The following WDR37 variants were observed in gnomAD, a reference collection of about 807,000 sequenced individuals.
The protein encoded by WDR37 is WD repeat-containing protein 37.
A neutral mutation model predicts 62.9 loss-of-function variants in WDR37; 19 were observed. The observed-to-expected ratio is 0.30, with a 90% CI of 0.21 to 0.44. The LOEUF is 0.44. Ranked by LOEUF, WDR37 falls within the 20% of genes least tolerant of loss-of-function variation. WDR37 has a pLI of 1.00. For missense variants in WDR37, 474 were observed against 657.6 expected (o/e 0.72, Z 3.05); for synonymous variants, 250 against 260.9 (o/e 0.96, Z 0.40).
intron 11 of WDR37, among the ~76,000 whole-genome samples, chr10:1,111,429 T>G (rs1306926444): frequency 6.6e-6 from 1 of 152,234 alleles, no homozygotes; most frequent in African/African-American, 2.4e-5. Context: ...TACTTTTACT[T>G]GCATTCTGTG....
In WDR37 at chr10:1,121,853, C is replaced by T. The variant is rs970055528; in HGVS notation, c.1104-2365C>T. On this transcript the variant is annotated intron_variant, in intron 11 of 13. Transcript: ENST00000263150. This position sits in a 1 kb window ranked among gnomAD's most constrained non-coding sequence, Gnocchi z 4.5. ...AGAATGCAGACGTGAAAACGGTCGC[C>T]GCCGCATCATCCTGACTGTGTTCCG... 1.3e-4 allele frequency among the ~76,000 whole-genome samples: 19 copies of T among 151,788 alleles called. No individual in the cohort carries two copies. Among genetic ancestry groups the T allele is most frequent in the African/African-American group, 3.4e-4 (14 of 41,306 alleles).
chr10:1,069,369 G>T (rs1232212614), intron 1 of WDR37, among the ~76,000 whole-genome samples: 17 of 37,636 alleles, frequency 4.5e-4, no homozygotes, highest in Non-Finnish European at 6.9e-4. Flanking sequence ...AAATTGGAAA[G>T]AATATATATA....
At chr10:1,093,342 A>AACTC (rs1834464264) in intron 7 of WDR37, 110 bp from the exon 8 acceptor site, 6 of 810,680 alleles carry the variant, frequency 7.4e-6, no homozygotes, top group Admixed American at 2.6e-5. Context: ...TCAAATATTG[A>AACTC]ACTCATAGTT....
chr10:1,111,321 A>G (rs1835210865), intron 11 of WDR37, among the ~76,000 whole-genome samples: 1 of 152,224 alleles, frequency 6.6e-6, no homozygotes, highest in Non-Finnish European at 1.5e-5. Flanking sequence ...TAAGGCAAGA[A>G]GTAGCTCTAA....
intron 9 of WDR37, among the ~76,000 whole-genome samples, chr10:1,102,078 T>TC (rs1443160851): frequency 7.3e-6 from 1 of 137,694 alleles, no homozygotes; most frequent in African/African-American, 2.8e-5. Flanking sequence ...GTGACATGTT[T>TC]CCGTGCTGCC....
At chr10:1,085,627 T>C (rs1415709045) in intron 6 of WDR37, among the ~76,000 whole-genome samples, 1 of 152,244 alleles carries the variant, frequency 6.6e-6, no homozygotes, top group Non-Finnish European at 1.5e-5. Context: ...TGGACTCTGC[T>C]TTTTAGAGGC....
At chr10:1,104,279 G>T (rs909024668) in intron 10 of WDR37, among the ~76,000 whole-genome samples, 2 of 152,214 alleles carry the variant, frequency 1.3e-5, no homozygotes, top group Admixed American at 1.3e-4. Flanking sequence ...CAAGCCTGCT[G>T]GTCATTGGAG....
At chr10:1,081,828 A>G (rs1834039409) in intron 5 of WDR37, among the ~76,000 whole-genome samples, 1 of 152,184 alleles carries the variant, frequency 6.6e-6, no homozygotes, top group Non-Finnish European at 1.5e-5. Flanking sequence ...TATATATACA[A>G]TGTATGGTCT....
At chr10:1,127,898 T>C (rs893322113) in intron 13 of WDR37, among the ~76,000 whole-genome samples, 3 of 152,330 alleles carry the variant, frequency 2.0e-5, no homozygotes, top group East Asian at 3.9e-4. Context: ...ATGGGAGCTC[T>C]GCCGGAGGTG....
Position 1,072,845 on chromosome 10 carries a change from T to A in WDR37, c.138+552T>A, listed in dbSNP as rs1272608993. On this transcript the variant is annotated intron_variant, in intron 2 of 13. Transcript: ENST00000263150. ...AACAAATCAAAGTGGGTATGAGAGT[T>A]GGGATTAGTTTTATTCTTTGTACAG... 2.0e-5 allele frequency among the ~76,000 whole-genome samples: 3 copies of A among 152,266 alleles called. No homozygotes were observed. The East Asian group carries it at 5.8e-4, about 29-fold the overall frequency.
intron 7 of WDR37, among the ~76,000 whole-genome samples, chr10:1,087,588 C>T (rs1834243668): frequency 6.6e-6 from 1 of 152,146 alleles, no homozygotes; most frequent in South Asian, 2.1e-4. Flanking sequence ...TGTCAATGAG[C>T]CAGTTGTATT....
intron 10 of WDR37, among the ~76,000 whole-genome samples, chr10:1,104,670 C>T (rs558346961): frequency 3.3e-5 from 5 of 151,966 alleles, no homozygotes; most frequent in East Asian, 1.9e-4. Context: ...TAGGCATGTA[C>T]GGGGTGGGGG....
At chr10:1,117,972 G>A (rs556392704) in intron 11 of WDR37, among the ~76,000 whole-genome samples, 32 of 137,718 alleles carry the variant, frequency 2.3e-4, no homozygotes, top group South Asian at 1.2e-3. Flanking sequence ...CATCTGAGCC[G>A]CGTGCACTCA....
chr10:1,093,958 A>G (rs573345667), intron 8 of WDR37, among the ~76,000 whole-genome samples: 10 of 152,318 alleles, frequency 6.6e-5, no homozygotes, highest in Admixed American at 3.3e-4. Flanking sequence ...TGGATTTGCT[A>G]TAATTTCAGA....
At position 1,099,775 on chromosome 10, in the gene WDR37, AG is replaced by A. The variant is rs1319146513; in HGVS notation, c.726+3532del. Among the ~76,000 whole-genome samples, 7 of 150,268 alleles carry A rather than the reference AG, an allele frequency of 4.7e-5. No homozygotes were observed. The East Asian group carries it at 1.4e-3, about 29-fold the overall frequency. On this transcript the variant is annotated intron_variant, in intron 9 of 13. Transcript: ENST00000263150. ...CTGATGGTGTGGCGGAGACGTGAGG[AG>A]GGTGAGCATTGATGCTTAGGAAATT... is the stretch of plus-strand genomic sequence containing the variant.
chr10:1,111,933 G>A (rs1247236476), intron 11 of WDR37, among the ~76,000 whole-genome samples: 11 of 150,434 alleles, frequency 7.3e-5, no homozygotes, highest in Admixed American at 6.6e-4. Context: ...ACGGAGTCTC[G>A]CTCTGTTGCC....
At chr10:1,091,853 A>G (rs975643545) in intron 7 of WDR37, among the ~76,000 whole-genome samples, 8 of 152,124 alleles carry the variant, frequency 5.3e-5, no homozygotes, top group African/African-American at 1.9e-4. Context: ...AGCAAGGGGG[A>G]AGGTGAAGTG....
chr10:1,065,421 T>G (rs1270692127), intron 1 of WDR37, among the ~76,000 whole-genome samples: 4 of 152,004 alleles, frequency 2.6e-5, no homozygotes, highest in Admixed American at 2.6e-4. Flanking sequence ...ATACTGTAGG[T>G]AAATAAATAT....
intron 11 of WDR37, among the ~76,000 whole-genome samples, chr10:1,115,101 T>C (rs1589119191): frequency 6.6e-6 from 1 of 151,996 alleles, no homozygotes; most frequent in African/African-American, 2.4e-5. Context: ...TCACTGGCCA[T>C]TAAGCCTCCT....
Sources: gnomAD v4.1 joint callset for allele counts (sites outside exome capture counted in the v4.1 genomes callset) on GRCh38, gnomAD v4.1.1 for gene constraint, Gnocchi (gnomAD v3.1) non-coding constraint, MANE v1.5 for transcripts, NCBI Gene and HGNC (gene_info 2026-07-23, HGNC 2026-07-21) for gene names.